Variants in MAP3K19 observed in about 807,000 individuals in gnomAD.
MAP3K19 encodes SPS1/STE20-related protein kinase YSK4.
MAP3K19 carries 91 observed loss-of-function variants against 114.4 expected under a neutral mutation model. The ratio of observed to expected loss-of-function variants is 0.80; its 90% confidence interval spans 0.67 to 0.95. The LOEUF is 0.95. MAP3K19 is among the 40% of genes least tolerant of loss of function. The pLI, the probability that MAP3K19 is intolerant of heterozygous loss-of-function variation, is 0.00. For synonymous variants in MAP3K19, 518 were observed against 530.5 expected, an observed-to-expected ratio of 0.98 and a Z score of 0.32; for missense variants, 1,471 against 1,573.2, an observed-to-expected ratio of 0.94 and a Z score of 1.10.
At chr2:135,033,640 C>T (rs1188643235) in intron 2 of MAP3K19, among the ~76,000 whole-genome samples, 1 of 59,388 alleles carries the variant, frequency 1.7e-5, no homozygotes, top group Non-Finnish European at 2.7e-5. Context: ...CACCTCCCAG[C>T]AGGGGTGGCT....
At chr2:134,996,921 C>T (rs914908084) in intron 8 of MAP3K19, among the ~76,000 whole-genome samples, 1 of 152,034 alleles carries the variant, frequency 6.6e-6, no homozygotes, top group African/African-American at 2.4e-5. Flanking sequence ...TGGTGGCATG[C>T]ACCTGTAGTC....
intron 3 of MAP3K19, among the ~76,000 whole-genome samples, chr2:135,029,054 T>G (rs906039514): frequency 6.6e-6 from 1 of 152,122 alleles, no homozygotes; most frequent in Non-Finnish European, 1.5e-5. Flanking sequence ...TTCCTAATGT[T>G]TAGGGGTTAA....
chr2:135,023,832 G>A (rs1169544429), intron 4 of MAP3K19, among the ~76,000 whole-genome samples: 1 of 151,954 alleles, frequency 6.6e-6, no homozygotes, highest in African/African-American at 2.4e-5. Context: ...ATAGGAACAG[G>A]TTAATATTCC....
chr2:135,004,778 T>C (rs1686694908), intron 6 of MAP3K19, among the ~76,000 whole-genome samples: 1 of 152,176 alleles, frequency 6.6e-6, no homozygotes, highest in South Asian at 2.1e-4. Flanking sequence ...TCCAGACTTA[T>C]GGCCTTGTAA....
chr2:134,980,434 T>A (rs200292159), intron 12 of MAP3K19, among the ~76,000 whole-genome samples: 1 of 135,022 alleles, frequency 7.4e-6, no homozygotes, highest in Non-Finnish European at 1.6e-5. Context: ...TCCAATTTGT[T>A]TCTTTGGCTC....
rs775447489 is a variant in MAP3K19 at position 134,991,529 on chromosome 2, A to T, written c.618+8T>A. 6.2e-7 allele frequency: 1 copy of T among 1,612,700 alleles called. No individual in the cohort carries two copies. Among genetic ancestry groups the T allele is most frequent in the South Asian group, 1.1e-5 (1 of 91,050 alleles). On this transcript the variant is annotated splice_region_variant and intron_variant, in intron 9 of 12. Coordinates refer to ENST00000392915, the MANE Select transcript of MAP3K19 (RefSeq NM_025052.5). ...TTCTCAAGTCAAAAATGCTAGCACT[A>T]ATCTTACCTTGATGCTTCGGCCACT... is the stretch of plus-strand genomic sequence containing the variant.
intron 12 of MAP3K19, among the ~76,000 whole-genome samples, chr2:134,974,830 AATTTTTGG>A: frequency 6.6e-6 from 1 of 152,292 alleles, no homozygotes; most frequent in Non-Finnish European, 1.5e-5. Context: ...ACTTCTTTTA[AATTTTTGG>A]ATTGGCTTTC....
chr2:135,046,107 A>G (rs1331051510), intron 1 of MAP3K19, among the ~76,000 whole-genome samples: 2 of 151,940 alleles, frequency 1.3e-5, no homozygotes. Context: ...TTTATGTTTT[A>G]TTTTTGTAGA....
chr2:134,968,227 A>G (rs898268877), intron 12 of MAP3K19, among the ~76,000 whole-genome samples: 2 of 152,158 alleles, frequency 1.3e-5, no homozygotes, highest in African/African-American at 4.8e-5. Context: ...TTCTTAGTAC[A>G]GAACAAAATG....
chr2:134,965,060 T>C (rs1378114429), intron 12 of MAP3K19, 144 bp from the exon 13 acceptor site: 2 of 591,978 alleles, frequency 3.4e-6, no homozygotes, highest in African/African-American at 3.7e-5. Context: ...CTCCAATTTT[T>C]AGCTGTGTGA....
Position 134,987,494 on chromosome 2 carries a change from T to C in MAP3K19, c.1378A>G (p.Ser460Gly), listed in dbSNP as rs145484222. 1.6e-4 allele frequency: 260 copies of C among 1,614,092 alleles called. 1 individual carries two copies. The highest frequency in any genetic ancestry group is 6.6e-4 in the Middle Eastern group (4 of 6,084). ...ATTTTTATGTTTGTCTCCATGCTGCTACAACCTTCTGGGAGTTTATCAATG... is the reference window on the plus strand; with the variant it reads ...ATTTTTATGTTTGTCTCCATGCTGCCACAACCTTCTGGGAGTTTATCAATG... ...DPIDKLPEGC[S>G]SMETNIKISI... The change falls in exon 10 of 13, where the codon AGC becomes GGC. Residue 460 changes from serine to glycine, a missense_variant. Ser to Gly is a moderately conservative substitution (Grantham distance 56, BLOSUM62 0). Transcript: ENST00000392915.
chr2:135,044,816 G>A (rs1425693558), intron 1 of MAP3K19, among the ~76,000 whole-genome samples: 1 of 152,140 alleles, frequency 6.6e-6, no homozygotes, highest in Non-Finnish European at 1.5e-5. Flanking sequence ...TAATGTGCCT[G>A]AGAGGTATCC....
At chr2:134,970,390 C>G (rs1308599038) in intron 12 of MAP3K19, among the ~76,000 whole-genome samples, 1 of 151,990 alleles carries the variant, frequency 6.6e-6, no homozygotes, top group African/African-American at 2.4e-5. Flanking sequence ...GGATTGCCTT[C>G]TTGATTTCTT....
At chr2:134,996,621 T>C (rs1686012363) in intron 8 of MAP3K19, among the ~76,000 whole-genome samples, 1 of 152,150 alleles carries the variant, frequency 6.6e-6, no homozygotes, top group Non-Finnish European at 1.5e-5. Flanking sequence ...GATGGCATAA[T>C]GCTCCAGCAG....
chr2:135,024,259 T>A (rs1049371891), intron 4 of MAP3K19, among the ~76,000 whole-genome samples: 3 of 152,248 alleles, frequency 2.0e-5, no homozygotes. Context: ...TTATACTTCT[T>A]GCTGTGGCTG....
intron 9 of MAP3K19, 155 bp downstream of exon 9, chr2:134,991,382 T>C: frequency 1.5e-6 from 1 of 685,434 alleles, no homozygotes; most frequent in Non-Finnish European, 2.7e-6. Context: ...AATCAAAGCT[T>C]ATGTGTGGAT....
At chr2:135,017,958 C>T (rs573133395) in intron 5 of MAP3K19, among the ~76,000 whole-genome samples, 1 of 152,276 alleles carries the variant, frequency 6.6e-6, no homozygotes, top group South Asian at 2.1e-4. Context: ...AGATGTCTGA[C>T]TTCAAAGAGG....
At chr2:134,975,627 A>G (rs1386278316) in intron 12 of MAP3K19, among the ~76,000 whole-genome samples, 1 of 152,120 alleles carries the variant, frequency 6.6e-6, no homozygotes, top group Non-Finnish European at 1.5e-5. Context: ...CAAGTGTGCT[A>G]TAGCCCTGCT....
chr2:134,976,857 C>T (rs1684270551), intron 12 of MAP3K19, among the ~76,000 whole-genome samples: 1 of 151,432 alleles, frequency 6.6e-6, no homozygotes, highest in South Asian at 2.1e-4. Context: ...CCAGCCTGGC[C>T]AACATGGTGA....
Sources: allele counts gnomAD v4.1 joint callset (sites outside exome capture counted in the v4.1 genomes callset), GRCh38; gene constraint gnomAD v4.1.1; transcripts MANE v1.5; gene names NCBI Gene and HGNC (gene_info 2026-07-23, HGNC 2026-07-21).